Variants in NADK2 observed in about 807,000 individuals in gnomAD.
NADK2 encodes the protein NAD kinase 2, mitochondrial.
In NADK2, 35 loss-of-function variants were observed where a neutral mutation model predicts 62.1. That is an observed-to-expected ratio of 0.56 (90% CI 0.43 to 0.75). NADK2 has a LOEUF of 0.75. NADK2 is among the 30% of genes least tolerant of loss of function. The pLI is 0.00. For missense variants in NADK2, 439 were observed against 561.3 expected, an observed-to-expected ratio of 0.78 and a Z score of 2.20; for synonymous variants, 205 against 207.9, an observed-to-expected ratio of 0.99 and a Z score of 0.12.
chr5:36,217,030 G>A (rs920780749), intron 6 of NADK2, among the ~76,000 whole-genome samples: 3 of 151,824 alleles, frequency 2.0e-5, no homozygotes, highest in African/African-American at 7.3e-5. Context: ...CTGGAATAAG[G>A]GGATATAAAC....
chr5:36,234,368 G>A (rs1425438691), intron 1 of NADK2, among the ~76,000 whole-genome samples: 15 of 83,914 alleles, frequency 1.8e-4, no homozygotes, highest in Non-Finnish European at 2.4e-4. Context: ...GCGAAACTCC[G>A]TCTCAAAAAA....
At position 36,219,583 on chromosome 5, in the gene NADK2, A is replaced by C; in HGVS notation, c.644+13T>G. 6.2e-7 allele frequency: 1 copy of C among 1,606,138 alleles called. No homozygotes were observed. Among genetic ancestry groups the C allele is most frequent in the African/African-American group, 1.3e-5 (1 of 74,826 alleles). Reference sequence around the variant, plus strand: ...AAGATACTTACATAAGAACAACCGTAAGAAATTCCTACCTGAACTCACCAC... The same window carrying C: ...AAGATACTTACATAAGAACAACCGTCAGAAATTCCTACCTGAACTCACCAC... On this transcript the variant is annotated intron_variant, in intron 5 of 11. Transcript: ENST00000381937.
chr5:36,202,993 T>C (rs755848973), intron 8 of NADK2, among the ~76,000 whole-genome samples: 10 of 152,070 alleles, frequency 6.6e-5, no homozygotes, highest in Non-Finnish European at 1.5e-4. Context: ...AATTAAAGAA[T>C]TCCATACAAG....
chr5:36,211,698 G>A (rs1278299934), intron 7 of NADK2, 146 bp downstream of exon 7: 4 of 673,490 alleles, frequency 5.9e-6, no homozygotes, highest in Non-Finnish European at 1.0e-5. Context: ...ATCTATGAAG[G>A]TTTTGGAAAT....
intron 1 of NADK2, among the ~76,000 whole-genome samples, chr5:36,228,538 T>C (rs10079844): frequency 0.91 from 138,148 of 151,954 alleles, 63,803 homozygotes; most frequent in Non-Finnish European, 0.98. Flanking sequence ...GTAGATGAGA[T>C]TATAGGCACG....
chr5:36,226,056 A>T (rs191667958), intron 3 of NADK2, among the ~76,000 whole-genome samples: 1 of 152,360 alleles, frequency 6.6e-6, no homozygotes, highest in Non-Finnish European at 1.5e-5. Context: ...CCTGCTGTCA[A>T]CTTAAAGCTT....
Position 36,226,573 on chromosome 5 carries a change from A to T in NADK2, c.390-10T>A, listed in dbSNP as rs768944075. 17 of 1,596,798 alleles carry T rather than the reference A, an allele frequency of 1.1e-5. No homozygotes were observed. The highest frequency in any genetic ancestry group is 1.3e-5 in the African/African-American group (1 of 74,532). ...CTCAATTCCCTCATTCCTAGGATAA[A>T]AAAGGAAAGGTTATATGAAATTTCC... is the stretch of plus-strand genomic sequence containing the variant. On this transcript the variant is annotated splice_polypyrimidine_tract_variant and intron_variant, in intron 2 of 11. Transcript: ENST00000381937.
At chr5:36,202,987 A>G (rs1045741210) in intron 8 of NADK2, among the ~76,000 whole-genome samples, 18 of 152,136 alleles carry the variant, frequency 1.2e-4, no homozygotes, top group African/African-American at 4.3e-4. Flanking sequence ...AAGACTAATT[A>G]AAGAATTCCA....
intron 6 of NADK2, among the ~76,000 whole-genome samples, chr5:36,214,385 G>A (rs1387435297): frequency 6.6e-6 from 1 of 152,064 alleles, no homozygotes; most frequent in African/African-American, 2.4e-5. Flanking sequence ...TTACCATGTT[G>A]GTCAGGCTGG....
rs192765038 is a variant in NADK2 at position 36,206,094 on chromosome 5, C to T, written c.956+1076G>A. On this transcript the variant is annotated intron_variant, in intron 8 of 11. Coordinates refer to ENST00000381937, the MANE Select transcript of NADK2 (RefSeq NM_001085411.3). ...CACTCATAAGTAGGAGCTGAACAAT[C>T]GGAACACATGGACACAGGGAGGGGA... 6.6e-5 allele frequency among the ~76,000 whole-genome samples: 10 copies of T among 151,904 alleles called. No individual in the cohort carries two copies. The East Asian group carries it at 1.9e-3, about 29-fold the overall frequency.
At chr5:36,196,825 GACA>G (rs1159779392) in intron 11 of NADK2, among the ~76,000 whole-genome samples, 2 of 152,024 alleles carry the variant, frequency 1.3e-5, no homozygotes, top group Non-Finnish European at 2.9e-5. Context: ...ACTCTCAAAT[GACA>G]ACATGAATGT....
At chr5:36,203,808 G>C (rs1746535040) in intron 8 of NADK2, among the ~76,000 whole-genome samples, 1 of 152,114 alleles carries the variant, frequency 6.6e-6, no homozygotes, top group South Asian at 2.1e-4. Context: ...GCCTCTAGCA[G>C]AAGCACTACT....
Position 36,214,381 on chromosome 5 carries a change from T to C in NADK2, c.782-2459A>G, listed in dbSNP as rs367745538. Among the ~76,000 whole-genome samples, 6 of 152,312 alleles carry C rather than the reference T, an allele frequency of 3.9e-5. No individual in the cohort carries two copies. In the South Asian group the frequency reaches 1.2e-3, roughly 32 times the overall value. ...TTTTAGTAGAGACGAGGTTTTACCA[T>C]GTTGGTCAGGCTGGTCTCAAACTCC... On this transcript the variant is annotated intron_variant, in intron 6 of 11. Transcript: ENST00000381937.
rs933268856 is a variant in NADK2, at chr5:36,230,503, T to C, written c.301-2938A>G. Among the ~76,000 whole-genome samples, 102 of 152,236 alleles carry C rather than the reference T, an allele frequency of 6.7e-4. 1 individual carries two copies. Among genetic ancestry groups the C allele is most frequent in the African/African-American group, 2.3e-3 (95 of 41,446 alleles). Reference sequence around the variant, plus strand: ...CCCTTTGAATCTCCTTACTAGAATATAAGTGCTGGGAGAACAGTGATCTTA... The same window carrying C: ...CCCTTTGAATCTCCTTACTAGAATACAAGTGCTGGGAGAACAGTGATCTTA... On this transcript the variant is annotated intron_variant, in intron 1 of 11. Transcript: ENST00000381937.
At chr5:36,232,581 TA>T (rs1747747403) in intron 1 of NADK2, among the ~76,000 whole-genome samples, 2 of 62,174 alleles carry the variant, frequency 3.2e-5, no homozygotes, top group African/African-American at 6.0e-5. Flanking sequence ...CACTGAACCC[TA>T]AAGACTTCTT....
chr5:36,234,043 C>T (rs151200735), intron 1 of NADK2, among the ~76,000 whole-genome samples: 7 of 152,106 alleles, frequency 4.6e-5, no homozygotes, highest in African/African-American at 1.7e-4. Context: ...TGTGACTAAC[C>T]TAATTATCCA....
In NADK2 at chr5:36,241,341, AGGGAGAAGCCAGAGGACCT is replaced by A. The variant is rs1216858754; in HGVS notation, c.300+139_300+157del. On this transcript the variant is annotated intron_variant, in intron 1 of 11. Transcript: ENST00000381937. The surrounding 1 kb of genome is among the most constrained non-coding windows in gnomAD (Gnocchi z 4.9). ...ACACGCCCAAAGGCAAAGGAGGCCC[AGGGAGAAGCCAGAGGACCT>A]GGGGGCCGCGAGAGAGGCAGGACCG... is the stretch of plus-strand genomic sequence containing the variant. 16 of 1,299,176 alleles carry A rather than the reference AGGGAGAAGCCAGAGGACCT, an allele frequency of 1.2e-5. No individual in the cohort carries two copies. Among genetic ancestry groups the A allele is most frequent in the South Asian group, 8.7e-5 (5 of 57,154 alleles). The allele number at this position is 1,299,176 out of a possible 1,614,324, so 80.5% of individuals were successfully genotyped here.
intron 7 of NADK2, among the ~76,000 whole-genome samples, chr5:36,211,048 C>T (rs781684005): frequency 1.1e-4 from 17 of 152,118 alleles, no homozygotes; most frequent in Non-Finnish European, 2.4e-4. Context: ...CAGTGACTCA[C>T]ACCTGTAATC....
rs75589996 is a variant in NADK2, at chr5:36,236,628, TA to T, written c.300+4870del. Among the ~76,000 whole-genome samples, 1,847 of 152,234 alleles carry T rather than the reference TA, an allele frequency of 0.012. 155 individuals are homozygous for T. The East Asian group carries it at 0.21, about 18-fold the overall frequency. On this transcript the variant is annotated intron_variant, in intron 1 of 11. Coordinates refer to ENST00000381937, the MANE Select transcript of NADK2 (RefSeq NM_001085411.3). ...AGGAGAAAAGACCTAAAAATGATCT[TA>T]ACAGAACATCAGAAACATTTTACTA...
Sources: allele counts gnomAD v4.1 joint callset (sites outside exome capture counted in the v4.1 genomes callset), GRCh38; gene constraint gnomAD v4.1.1; non-coding constraint Gnocchi (gnomAD v3.1); transcripts MANE v1.5; gene names NCBI Gene and HGNC (gene_info 2026-07-23, HGNC 2026-07-21).